Variants in LRRC4C observed in about 807,000 individuals in gnomAD.
LRRC4C encodes leucine-rich repeat-containing protein 4C.
In LRRC4C, 5 loss-of-function variants were observed where a neutral mutation model predicts 33.6. The ratio of observed to expected loss-of-function variants is 0.15; its 90% CI spans 0.08 to 0.31. LRRC4C has a LOEUF of 0.31. LRRC4C is among the 10% of genes least tolerant of loss of function. LRRC4C has a pLI of 1.00. For missense variants in LRRC4C, 560 were observed against 796.7 expected, an observed-to-expected ratio of 0.70 and a Z score of 3.58; for synonymous variants, 329 against 302.0, an observed-to-expected ratio of 1.09 and a Z score of -0.93.
chr11:40,533,977 G>A (rs78934785), intron 3 of LRRC4C, among the ~76,000 whole-genome samples: 4,017 of 152,220 alleles, frequency 0.026, 175 homozygotes, highest in African/African-American at 0.091. Context: ...ACAATGCAGT[G>A]GTTGCCTTAG....
At chr11:40,229,340 T>A (rs1865034266) in intron 5 of LRRC4C, among the ~76,000 whole-genome samples, 1 of 152,174 alleles carries the variant, frequency 6.6e-6, no homozygotes, top group Non-Finnish European at 1.5e-5. Flanking sequence ...TAGCGTGATC[T>A]CAGCTCACTG....
At chr11:40,811,177 C>T (rs185686929) in intron 2 of LRRC4C, among the ~76,000 whole-genome samples, 118 of 152,136 alleles carry the variant, frequency 7.8e-4, no homozygotes, top group Non-Finnish European at 1.0e-4. Flanking sequence ...TAATGTCTGA[C>T]TCTTTTCTTC....
chr11:41,257,921 T>G (rs1948854328), intron 1 of LRRC4C, among the ~76,000 whole-genome samples: 1 of 152,030 alleles, frequency 6.6e-6, no homozygotes, highest in South Asian at 2.1e-4. Context: ...TGAGTTCTTT[T>G]TCTTTTCCTG....
chr11:40,818,069 A>T (rs1951778671), intron 2 of LRRC4C, among the ~76,000 whole-genome samples: 1 of 152,128 alleles, frequency 6.6e-6, no homozygotes, highest in Admixed American at 6.6e-5. Context: ...TCTTAAGTGG[A>T]GTGCCTTGAT....
intron 3 of LRRC4C, among the ~76,000 whole-genome samples, chr11:40,543,852 A>G (rs749575537): frequency 1.2e-4 from 19 of 152,058 alleles, no homozygotes; most frequent in Non-Finnish European, 2.6e-4. Context: ...TTTTTGTATT[A>G]AAATACATGG....
chr11:41,302,802 CT>C (rs1387156078), intron 1 of LRRC4C, among the ~76,000 whole-genome samples: 1 of 152,148 alleles, frequency 6.6e-6, no homozygotes, highest in Non-Finnish European at 1.5e-5. Context: ...AATTCGTGAT[CT>C]AAGTCTTTGA....
At chr11:40,959,846 C>A (rs1000534033) in intron 1 of LRRC4C, among the ~76,000 whole-genome samples, 8 of 151,600 alleles carry the variant, frequency 5.3e-5, no homozygotes, top group Non-Finnish European at 1.2e-4. Context: ...GCTCAACACC[C>A]AACAAAAACC....
intron 5 of LRRC4C, among the ~76,000 whole-genome samples, chr11:40,240,014 A>C (rs1865825329): frequency 6.6e-6 from 1 of 152,226 alleles, no homozygotes; most frequent in African/African-American, 2.4e-5. Flanking sequence ...CTGGCATTTT[A>C]ACATTATCTC....
chr11:41,297,083 T>A (rs1950164584), intron 1 of LRRC4C, among the ~76,000 whole-genome samples: 1 of 152,232 alleles, frequency 6.6e-6, no homozygotes, highest in Non-Finnish European at 1.5e-5. Flanking sequence ...TGAGAGATTT[T>A]ATCAAGAAAG....
intron 2 of LRRC4C, among the ~76,000 whole-genome samples, chr11:40,755,376 C>T (rs1948897780): frequency 6.6e-6 from 1 of 151,988 alleles, no homozygotes; most frequent in Non-Finnish European, 1.5e-5. Flanking sequence ...CAGAGAGGTA[C>T]AGAAATTAGC....
chr11:41,144,446 T>C (rs1943646664), intron 1 of LRRC4C, among the ~76,000 whole-genome samples: 1 of 152,194 alleles, frequency 6.6e-6, no homozygotes, highest in Non-Finnish European at 1.5e-5. Flanking sequence ...TTTGTTTGCT[T>C]AAAAACATAC....
chr11:41,163,941 TG>T (rs1944600445), intron 1 of LRRC4C, among the ~76,000 whole-genome samples: 1 of 152,168 alleles, frequency 6.6e-6, no homozygotes, highest in African/African-American at 2.4e-5. Flanking sequence ...TATTTGTATT[TG>T]TAATTGTTGT....
At chr11:40,149,713 T>A (rs543128192) in intron 5 of LRRC4C, among the ~76,000 whole-genome samples, 9 of 152,124 alleles carry the variant, frequency 5.9e-5, no homozygotes, top group Non-Finnish European at 1.0e-4. Context: ...TCAAGAATGA[T>A]AAGAAAGAAC....
chr11:40,219,384 T>C (rs568834836), intron 5 of LRRC4C, among the ~76,000 whole-genome samples: 1 of 152,278 alleles, frequency 6.6e-6, no homozygotes. Context: ...CTTCTACCAA[T>C]CCACCCATGT....
chr11:40,935,450 G>T (rs1194331742), intron 1 of LRRC4C, among the ~76,000 whole-genome samples: 2 of 152,006 alleles, frequency 1.3e-5, no homozygotes, highest in Admixed American at 6.6e-5. Flanking sequence ...CTTATATGAC[G>T]GTGGTCTCAT....
intron 2 of LRRC4C, among the ~76,000 whole-genome samples, chr11:40,797,837 T>G (rs1950893247): frequency 6.6e-6 from 1 of 152,182 alleles, no homozygotes; most frequent in Non-Finnish European, 1.5e-5. Flanking sequence ...AGACTTAGTA[T>G]TTGCTGCATC....
At chr11:41,014,503 T>C (rs1855440956) in intron 1 of LRRC4C, among the ~76,000 whole-genome samples, 1 of 142,908 alleles carries the variant, frequency 7.0e-6, no homozygotes, top group African/African-American at 2.6e-5. Flanking sequence ...TTTTTTTTTT[T>C]CTGAGCCAAG....
chr11:40,556,467 C>T (rs1472361105), intron 3 of LRRC4C, among the ~76,000 whole-genome samples: 5 of 152,176 alleles, frequency 3.3e-5, no homozygotes, highest in Non-Finnish European at 7.4e-5. Context: ...GGTCCATAGC[C>T]TTAGAAAGAT....
intron 3 of LRRC4C, among the ~76,000 whole-genome samples, chr11:40,467,742 A>C (rs1952720780): frequency 6.6e-6 from 1 of 152,218 alleles, no homozygotes; most frequent in Admixed American, 6.5e-5. Context: ...TAACTGCCTA[A>C]CTGTGGCAAG....
Sources: gnomAD v4.1 joint callset for allele counts (sites outside exome capture counted in the v4.1 genomes callset) on GRCh38, gnomAD v4.1.1 for gene constraint, MANE v1.5 for transcripts, NCBI Gene and HGNC (gene_info 2026-07-23, HGNC 2026-07-21) for gene names.